Variants in NRP1 observed in about 807,000 individuals in gnomAD.
NRP1 encodes neuropilin 1, also known as neuropilin-1.
NRP1 carries 35 observed loss-of-function variants against 106.7 expected under a neutral mutation model. The ratio of observed to expected loss-of-function variants is 0.33; its 90% CI spans 0.25 to 0.43. The LOEUF is 0.43. Ranked by LOEUF, NRP1 falls within the 20% of genes least tolerant of loss-of-function variation. The pLI, the probability that NRP1 is intolerant of heterozygous loss-of-function variation, is 1.00. For missense variants in NRP1, 1,024 were observed against 1,170.4 expected (o/e 0.87, Z 1.83); for synonymous variants, 437 against 417.9 (o/e 1.05, Z -0.56).
At chr10:33,253,201 C>T (rs1300664480) in intron 6 of NRP1, among the ~76,000 whole-genome samples, 1 of 152,116 alleles carries the variant, frequency 6.6e-6, no homozygotes, top group Non-Finnish European at 1.5e-5. Context: ...AAACTCAGGA[C>T]TGTCAGCATC....
rs1405628104 is a variant in NRP1 at position 33,213,170 on chromosome 10, C to G, written c.1614+216G>C. ...CCATCCCTACAGCCAGGGAATGGGA[C>G]CAGCAATGCAATTCTTTTGCATGTT... On this transcript the variant is annotated intron_variant, in intron 9 of 16. Transcript: ENST00000374867. 3 of 1,313,194 alleles carry G rather than the reference C, an allele frequency of 2.3e-6. No individual in the cohort carries two copies. The Admixed American group carries it at 6.6e-5, about 29-fold the overall frequency. The allele number at this position is 1,313,194 out of a possible 1,614,324, so 81.3% of individuals were successfully genotyped here.
chr10:33,251,386 G>C (rs1054961925), intron 6 of NRP1, among the ~76,000 whole-genome samples: 8 of 151,590 alleles, frequency 5.3e-5, no homozygotes, highest in African/African-American at 1.7e-4. Context: ...TTATAGCGGT[G>C]TGAGAACAGA....
At chr10:33,261,949 TG>T in intron 4 of NRP1, among the ~76,000 whole-genome samples, 1 of 152,354 alleles carries the variant, frequency 6.6e-6, no homozygotes, top group Middle Eastern at 3.4e-3. Flanking sequence ...TTGGCCAGTC[TG>T]GTCTCGAACT....
In NRP1 at chr10:33,202,747, A is replaced by T. The variant is rs61760424; in HGVS notation, c.1864+144T>A. On this transcript the variant is annotated intron_variant, in intron 11 of 16. Transcript: ENST00000374867. ...ATCCAGATGACATGAGGAAATGAAG[A>T]TGCACGTGTTCTGGCAAGGCAGCTT... 1.3e-3 allele frequency: 2,068 copies of T among 1,563,154 alleles called. 23 individuals are homozygous for T. The African/African-American group carries it at 0.021, about 16-fold the overall frequency.
At chr10:33,280,560 G>A (rs1844046675) in intron 2 of NRP1, among the ~76,000 whole-genome samples, 2 of 152,088 alleles carry the variant, frequency 1.3e-5, no homozygotes, top group South Asian at 4.1e-4. Flanking sequence ...TTCATGGATT[G>A]TCTCTAGAAG....
chr10:33,296,980 G>A (rs1845431297), intron 2 of NRP1, among the ~76,000 whole-genome samples: 1 of 151,652 alleles, frequency 6.6e-6, no homozygotes, highest in African/African-American at 2.4e-5. Flanking sequence ...AGTCAGCCAA[G>A]ATCGTGCCAA....
At chr10:33,305,746 TAAA>T (rs36039725) in intron 2 of NRP1, among the ~76,000 whole-genome samples, 1 of 144,002 alleles carries the variant, frequency 6.9e-6, no homozygotes, top group South Asian at 2.2e-4. Flanking sequence ...GATCTCTTTG[TAAA>T]AAAAAAAAAA....
intron 2 of NRP1, among the ~76,000 whole-genome samples, chr10:33,298,277 G>A (rs1419934498): frequency 6.6e-6 from 1 of 152,102 alleles, no homozygotes. Flanking sequence ...GCTTCACTGG[G>A]GTTTACTGCC....
At chr10:33,270,092 A>C (rs1262172547) in intron 3 of NRP1, among the ~76,000 whole-genome samples, 1 of 152,162 alleles carries the variant, frequency 6.6e-6, no homozygotes, top group East Asian at 1.9e-4. Flanking sequence ...AAAAGGTTGG[A>C]GACTGCTGCC....
chr10:33,266,282 A>G (rs1842910665), intron 3 of NRP1, among the ~76,000 whole-genome samples: 1 of 152,134 alleles, frequency 6.6e-6, no homozygotes, highest in African/African-American at 2.4e-5. Flanking sequence ...GTGTATTTCG[A>G]CAAAACATGG....
Position 33,260,954 on chromosome 10 carries a change from C to G in NRP1, c.658+2692G>C, listed in dbSNP as rs144771924. ...CAGAGGAACTGTGTATGTTGAACTA[C>G]TATGACACAAATGTTTCTAGTGCCA... On this transcript the variant is annotated intron_variant, in intron 4 of 16. Transcript: ENST00000374867. Among the ~76,000 whole-genome samples, 31 of 114,084 alleles carry G rather than the reference C, an allele frequency of 2.7e-4. 1 individual carries two copies. Among genetic ancestry groups the G allele is most frequent in the African/African-American group, 1.0e-3 (30 of 29,108 alleles). The allele number at this position is 114,084 out of a possible 152,430, so 74.8% of individuals were successfully genotyped here. A position where few individuals can be genotyped will look rare whatever the true frequency, so the allele number is the denominator to read the frequency against.
chr10:33,328,880 T>C (rs1489772918), intron 2 of NRP1, among the ~76,000 whole-genome samples: 3 of 152,226 alleles, frequency 2.0e-5, no homozygotes, highest in Non-Finnish European at 2.9e-5. Flanking sequence ...ATTACACGTA[T>C]TGATGGTCAT....
chr10:33,326,328 C>A (rs1010802756), intron 2 of NRP1, among the ~76,000 whole-genome samples: 2 of 152,096 alleles, frequency 1.3e-5, no homozygotes, highest in African/African-American at 4.8e-5. Context: ...ATACTGAAAA[C>A]CATTTTCAAT....
intron 16 of NRP1, among the ~76,000 whole-genome samples, chr10:33,182,183 C>T (rs1835728517): frequency 6.6e-6 from 1 of 152,158 alleles, no homozygotes; most frequent in South Asian, 2.1e-4. Flanking sequence ...TCATCATCAT[C>T]ATCACAAAAC....
intron 6 of NRP1, among the ~76,000 whole-genome samples, chr10:33,236,316 TC>T (rs1057236630): frequency 6.6e-6 from 1 of 152,258 alleles, no homozygotes; most frequent in African/African-American, 2.4e-5. Context: ...ATGAAAATCT[TC>T]CGGTCAAGAA....
At chr10:33,243,527 A>G (rs896243418) in intron 6 of NRP1, among the ~76,000 whole-genome samples, 1 of 152,222 alleles carries the variant, frequency 6.6e-6, no homozygotes, top group African/African-American at 2.4e-5. Flanking sequence ...GATCCAAAAT[A>G]TGTAGTTAGA....
intron 9 of NRP1, among the ~76,000 whole-genome samples, chr10:33,210,286 TA>T (rs1838196663): frequency 6.6e-6 from 1 of 152,124 alleles, no homozygotes; most frequent in African/African-American, 2.4e-5. Context: ...TGACACATAT[TA>T]TTGTGAGGCC....
chr10:33,214,667 TC>T (rs1288435343), intron 8 of NRP1, among the ~76,000 whole-genome samples: 1 of 152,128 alleles, frequency 6.6e-6, no homozygotes, highest in Non-Finnish European at 1.5e-5. Flanking sequence ...ATTCTCATCC[TC>T]AAAAATCTCC....
chr10:33,286,802 C>A (rs1844599482), intron 2 of NRP1, among the ~76,000 whole-genome samples: 1 of 152,002 alleles, frequency 6.6e-6, no homozygotes, highest in African/African-American at 2.4e-5. Flanking sequence ...TCTCTCCGCC[C>A]CCCCACCCAA....
Sources: gnomAD v4.1 joint callset for allele counts (sites outside exome capture counted in the v4.1 genomes callset) on GRCh38, gnomAD v4.1.1 for gene constraint, MANE v1.5 for transcripts, NCBI Gene and HGNC (gene_info 2026-07-23, HGNC 2026-07-21) for gene names.